Variants in KAT6A observed in about 807,000 individuals in gnomAD.
The protein encoded by KAT6A is histone acetyltransferase KAT6A.
Under a neutral mutation model 198.4 loss-of-function variants are expected in KAT6A, and 9 were observed. The observed-to-expected ratio is 0.05, with a 90% CI of 0.03 to 0.08. The LOEUF (loss-of-function observed/expected upper bound fraction) is 0.08, where lower values mean the gene tolerates loss of function less well. Among genes scored for constraint, KAT6A ranks in the 10% least tolerant of loss-of-function variants. KAT6A has a pLI of 1.00. For synonymous variants in KAT6A, 890 were observed against 883.0 expected (o/e 1.01, Z -0.14); for missense variants, 2,077 against 2,509.9 (o/e 0.83, Z 3.69).
intron 8 of KAT6A, among the ~76,000 whole-genome samples, chr8:41,969,182 A>C (rs992011705): frequency 2.0e-5 from 3 of 152,184 alleles, no homozygotes; most frequent in African/African-American, 7.2e-5. Flanking sequence ...TCTTTTGCTG[A>C]TGCTGCTGTA....
chr8:42,043,280 A>C (rs1352400891), intron 2 of KAT6A, among the ~76,000 whole-genome samples: 3 of 152,228 alleles, frequency 2.0e-5, no homozygotes, highest in African/African-American at 7.2e-5. Flanking sequence ...ATTTACAAAG[A>C]GGAAGATGCT....
chr8:41,939,390 C>T (rs947065919), intron 15 of KAT6A, among the ~76,000 whole-genome samples: 4 of 152,146 alleles, frequency 2.6e-5, no homozygotes, highest in East Asian at 1.9e-4. Context: ...TTTTTACAGA[C>T]GGAGTCTTGC....
At chr8:42,006,239 G>T (rs1048701426) in intron 2 of KAT6A, among the ~76,000 whole-genome samples, 4 of 152,192 alleles carry the variant, frequency 2.6e-5, no homozygotes, top group Admixed American at 1.3e-4. Flanking sequence ...TTGTAAGTAG[G>T]TGTCTGGGAG....
At chr8:42,000,082 G>A (rs570498697) in intron 2 of KAT6A, among the ~76,000 whole-genome samples, 3 of 152,216 alleles carry the variant, frequency 2.0e-5, no homozygotes, top group South Asian at 2.1e-4. Context: ...AAAATTTCCT[G>A]TGGCCTAAGA....
At position 41,932,195 on chromosome 8, in the gene KAT6A, T is replaced by C. The variant is rs751719703; in HGVS notation, c.*10A>G. On this transcript the variant is annotated 3_prime_UTR_variant, in exon 17 of 17. Transcript: ENST00000265713. The stretch of plus-strand genomic sequence containing the variant: ...ATATATTTAAGTTTTTGATTGCAAG[T>C]TCATCTTGCTCATCTTCTCATGTAA... The C allele has an allele frequency of 6.5e-7, 1 of 1,537,314 alleles. No homozygotes were observed. The highest frequency in any genetic ancestry group is 2.3e-5 in the East Asian group (1 of 44,108).
At position 41,974,828 on chromosome 8, in the gene KAT6A, T is replaced by C. The variant is rs750689006; in HGVS notation, c.1364-6A>G. The C allele has an allele frequency of 6.3e-7, 1 of 1,588,712 alleles. No individual in the cohort carries two copies. Among genetic ancestry groups the C allele is most frequent in the African/African-American group, 1.4e-5 (1 of 73,896 alleles). On this transcript the variant is annotated splice_polypyrimidine_tract_variant and splice_region_variant and intron_variant, in intron 7 of 16. Coordinates refer to ENST00000265713, the MANE Select transcript of KAT6A (RefSeq NM_006766.5). ...ATCCCAGCCATCCTGATTGTCTACA[T>C]ATAAAAAAAGAGCTCACATGTTAAC...
At chr8:41,948,302 AAAG>A (rs1822496271) in intron 10 of KAT6A, among the ~76,000 whole-genome samples, 1 of 152,232 alleles carries the variant, frequency 6.6e-6, no homozygotes, top group Non-Finnish European at 1.5e-5. Flanking sequence ...TTATTAGGTA[AAAG>A]AAGATGTAAC....
chr8:42,013,050 G>A (rs892093877), intron 2 of KAT6A, among the ~76,000 whole-genome samples: 13 of 151,640 alleles, frequency 8.6e-5, no homozygotes, highest in Non-Finnish European at 5.9e-5. Context: ...TTGGGGGAGG[G>A]TGATGACTAC....
At chr8:42,005,761 A>AAT (rs1825708888) in intron 2 of KAT6A, among the ~76,000 whole-genome samples, 1 of 97,334 alleles carries the variant, frequency 1.0e-5, no homozygotes, top group African/African-American at 4.6e-5. Flanking sequence ...GCTGCAAGCA[A>AAT]ATACACACAC....
intron 2 of KAT6A, among the ~76,000 whole-genome samples, chr8:42,000,901 AAGTC>A (rs1369428536): frequency 6.6e-6 from 1 of 152,196 alleles, no homozygotes; most frequent in African/African-American, 2.4e-5. Context: ...GTGACATTCA[AAGTC>A]AGGTAGATAT....
intron 2 of KAT6A, 50 bp downstream of exon 2, chr8:42,048,328 G>C (rs774187128): frequency 1.3e-6 from 2 of 1,565,120 alleles, no homozygotes; most frequent in Non-Finnish European, 1.7e-6. Flanking sequence ...TGAATTTGTA[G>C]CATCCTATAT....
At position 42,048,948 on chromosome 8, in the gene KAT6A, A is replaced by C; in HGVS notation, c.30T>G (p.Thr10=). Residue 10 remains threonine, a synonymous_variant, in exon 2 of 17, where the codon ACT becomes ACG. Coordinates refer to ENST00000265713, the MANE Select transcript of KAT6A (RefSeq NM_006766.5). The part of the protein sequence containing the change: MVKLANPLY[T]EWILEAIKKV... ...TTTTGATGGCCTCCAAAATCCACTC[A>C]GTATAAAGCGGGTTTGCGAGTTTTA... 1 of 1,613,650 alleles carries C rather than the reference A, an allele frequency of 6.2e-7. No individual in the cohort carries two copies. The highest frequency in any genetic ancestry group is 8.5e-7 in the Non-Finnish European group (1 of 1,179,914).
At chr8:41,949,679 TGA>T (rs1350580263) in intron 9 of KAT6A, among the ~76,000 whole-genome samples, 1 of 152,234 alleles carries the variant, frequency 6.6e-6, no homozygotes, top group Non-Finnish European at 1.5e-5. Flanking sequence ...CAAAAATGTT[TGA>T]TTTGTGTGAA....
At chr8:42,040,962 C>G (rs970562650) in intron 2 of KAT6A, among the ~76,000 whole-genome samples, 2 of 151,804 alleles carry the variant, frequency 1.3e-5, no homozygotes. Flanking sequence ...CACCTATAAT[C>G]CCAGCACTTT....
Position 41,933,961 on chromosome 8 carries a change from A to T in KAT6A, c.4259T>A (p.Leu1420Gln), listed in dbSNP as rs766891877. The change falls in exon 17 of 17, where the codon CTG becomes CAG. Residue 1420 changes from leucine to glutamine, a missense_variant. Around this residue, in one of 13 missense-constraint regions of KAT6A, gnomAD observed 178 missense variants for 220.8 expected, o/e 0.81. Coordinates refer to ENST00000265713, the MANE Select transcript of KAT6A (RefSeq NM_006766.5). The surrounding 1 kb of genome is among the most constrained non-coding windows in gnomAD (Gnocchi z 6.2). ...KEEEEIPHSELDLETVQAVQS... is the reference protein window; with the variant it reads ...KEEEEIPHSEQDLETVQAVQS... The stretch of plus-strand genomic sequence containing the variant: ...CACTGCCTGTACAGTTTCCAGATCC[A>T]GCTCACTATGAGGAATCTCTTCCTC... 6.2e-7 allele frequency: 1 copy of T among 1,613,870 alleles called. No homozygotes were observed. The highest frequency in any genetic ancestry group is 8.5e-7 in the Non-Finnish European group (1 of 1,180,010).
chr8:41,997,434 A>G (rs1482758141), intron 2 of KAT6A, among the ~76,000 whole-genome samples: 2 of 152,194 alleles, frequency 1.3e-5, no homozygotes, highest in Admixed American at 6.5e-5. Flanking sequence ...AAAGTTACTA[A>G]TAACAATTAT....
At chr8:42,025,265 G>A (rs1022812517) in intron 2 of KAT6A, among the ~76,000 whole-genome samples, 1 of 152,080 alleles carries the variant, frequency 6.6e-6, no homozygotes, top group Non-Finnish European at 1.5e-5. Flanking sequence ...AGGCTGGAGT[G>A]CAGTGGCATG....
At position 41,934,612 on chromosome 8, in the gene KAT6A, T is replaced by C. The variant is rs1229343741; in HGVS notation, c.3608A>G (p.Lys1203Arg). The change falls in exon 17 of 17, where the codon AAG becomes AGG. Residue 1203 changes from lysine to arginine, a missense_variant. Around this residue, in one of 13 missense-constraint regions of KAT6A, gnomAD observed 375 missense variants for 383.0 expected, o/e 0.98. Coordinates refer to ENST00000265713, the MANE Select transcript of KAT6A (RefSeq NM_006766.5). ...AACAGTTTCTTCACTCTCCTGGATC[T>C]TGGGTTTACGTCCAGCTTTAGGAAT... ...VSIPKAGRKPKIQESEETVEP... is the reference protein window; with the variant it reads ...VSIPKAGRKPRIQESEETVEP... The C allele has an allele frequency of 3.1e-6, 5 of 1,614,012 alleles. No homozygotes were observed. Among genetic ancestry groups the C allele is most frequent in the African/African-American group, 2.7e-5 (2 of 74,886 alleles).
rs117348493 is a variant in KAT6A at position 41,933,451 on chromosome 8, C to G, written c.4769G>C (p.Gly1590Ala). 3 of 1,612,876 alleles carry G rather than the reference C, an allele frequency of 1.9e-6. No individual in the cohort carries two copies. Among genetic ancestry groups the G allele is most frequent in the African/African-American group, 2.7e-5 (2 of 75,018 alleles). ...NSSSQSSCSY[G>A]GLSSSSSLTQ... ...GAGGCTGCTGGAGGACGACAGCCCA[C>G]CGTAGGAGCAGCTGCTCTGGGAAGA... The change falls in exon 17 of 17, where the codon GGT becomes GCT. Residue 1590 changes from glycine to alanine, a missense_variant. Around this residue, in one of 13 missense-constraint regions of KAT6A, gnomAD observed 500 missense variants for 577.2 expected, o/e 0.87. Transcript: ENST00000265713. This position sits in a 1 kb window ranked among gnomAD's most constrained non-coding sequence, Gnocchi z 6.2.
Sources: allele counts gnomAD v4.1 joint callset (sites outside exome capture counted in the v4.1 genomes callset), GRCh38; gene constraint gnomAD v4.1.1; regional missense constraint gnomAD v4.1.1; non-coding constraint Gnocchi (gnomAD v3.1); transcripts MANE v1.5; gene names NCBI Gene and HGNC (gene_info 2026-07-23, HGNC 2026-07-21).